Variants in PXDNL observed in about 807,000 individuals in gnomAD.
The protein encoded by PXDNL is peroxidasin like, also known as probable oxidoreductase PXDNL.
PXDNL carries 145 observed loss-of-function variants against 150.8 expected under a neutral mutation model. The observed-to-expected ratio is 0.96, with a 90% CI of 0.84 to 1.10. PXDNL has a LOEUF of 1.10. PXDNL is among the 50% of genes least tolerant of loss of function. The pLI is 0.00. For missense variants in PXDNL, 2,087 were observed against 1,873.9 expected, an observed-to-expected ratio of 1.11 and a Z score of -2.10; for synonymous variants, 757 against 725.7, an observed-to-expected ratio of 1.04 and a Z score of -0.69.
intron 1 of PXDNL, among the ~76,000 whole-genome samples, chr8:51,740,284 A>G (rs1255259420): frequency 6.6e-6 from 1 of 152,216 alleles, no homozygotes; most frequent in African/African-American, 2.4e-5. Context: ...TAGTGCTGCA[A>G]AGAAGATAAG....
intron 4 of PXDNL, among the ~76,000 whole-genome samples, chr8:51,537,211 C>T (rs1005323200): frequency 9.2e-5 from 14 of 152,178 alleles, no homozygotes; most frequent in Admixed American, 4.6e-4. Context: ...GCACCCTCCT[C>T]CTGAGATTCT....
At chr8:51,463,951 A>G (rs1162827404) in intron 8 of PXDNL, among the ~76,000 whole-genome samples, 1 of 152,090 alleles carries the variant, frequency 6.6e-6, no homozygotes, top group African/African-American at 2.4e-5. Flanking sequence ...CAATGTTAAG[A>G]GGAGAGTTTA....
rs193268807 is a variant in PXDNL, at chr8:51,769,581, C to A, written c.164+39600G>T. On this transcript the variant is annotated intron_variant, in intron 1 of 22. Coordinates refer to ENST00000356297, the MANE Select transcript of PXDNL (RefSeq NM_144651.5). The stretch of plus-strand genomic sequence containing the variant: ...CATTCTTCAATGATGCCCTTTTTTC[C>A]TGTGATACATGTTTTGACATGTAAT... Among the ~76,000 whole-genome samples, 444 of 152,190 alleles carry A rather than the reference C, an allele frequency of 2.9e-3. 1 individual carries two copies. Among genetic ancestry groups the A allele is most frequent in the African/African-American group, 0.01 (416 of 41,538 alleles).
intron 4 of PXDNL, among the ~76,000 whole-genome samples, chr8:51,530,534 C>T (rs1585553556): frequency 6.6e-6 from 1 of 152,198 alleles, no homozygotes. Context: ...GTAGAGCCAA[C>T]GTTGCTGCCA....
intron 3 of PXDNL, among the ~76,000 whole-genome samples, chr8:51,564,511 T>G (rs892772646): frequency 6.6e-6 from 1 of 151,254 alleles, no homozygotes; most frequent in African/African-American, 2.4e-5. Context: ...CCATGCTCAC[T>G]CTCCTCCCAA....
At position 51,556,915 on chromosome 8, in the gene PXDNL, G is replaced by C. The variant is rs1157982265; in HGVS notation, c.309-4C>G. ...GATTTCATTCTTATACAGGTACCTG[G>C]AAAATATATAGAATGTCATTAAATT... On this transcript the variant is annotated splice_polypyrimidine_tract_variant and splice_region_variant and intron_variant, in intron 3 of 22. Coordinates refer to ENST00000356297, the MANE Select transcript of PXDNL (RefSeq NM_144651.5). The C allele has an allele frequency of 6.7e-7, 1 of 1,482,812 alleles. No individual in the cohort carries two copies. The highest frequency in any genetic ancestry group is 1.1e-5 in the South Asian group (1 of 88,194). The allele number at this position is 1,482,812 out of a possible 1,614,324, so 91.9% of individuals were successfully genotyped here. A position where few individuals can be genotyped will look rare whatever the true frequency, so the allele number is the denominator to read the frequency against.
chr8:51,535,117 C>G (rs1435483578), intron 4 of PXDNL, among the ~76,000 whole-genome samples: 3 of 127,040 alleles, frequency 2.4e-5, no homozygotes, highest in Non-Finnish European at 4.8e-5. Context: ...CCCCGCCCGG[C>G]CAGCCGCCCC....
chr8:51,642,249 TA>T (rs113272900), intron 2 of PXDNL, among the ~76,000 whole-genome samples: 1 of 151,998 alleles, frequency 6.6e-6, no homozygotes, highest in African/African-American at 2.4e-5. Flanking sequence ...GAGATATACC[TA>T]ATGCTAAATG....
chr8:51,507,255 G>C (rs560864201), intron 4 of PXDNL, among the ~76,000 whole-genome samples: 1 of 152,186 alleles, frequency 6.6e-6, no homozygotes, highest in Admixed American at 6.5e-5. Context: ...TAAAGATAAA[G>C]AAAGGTTATA....
chr8:51,605,681 C>T (rs1453276366), intron 2 of PXDNL, among the ~76,000 whole-genome samples: 3 of 152,096 alleles, frequency 2.0e-5, no homozygotes, highest in Non-Finnish European at 2.9e-5. Context: ...TTGAATGTGT[C>T]CCCCAAAAGT....
At chr8:51,635,415 T>C (rs1205013443) in intron 2 of PXDNL, among the ~76,000 whole-genome samples, 1 of 151,714 alleles carries the variant, frequency 6.6e-6, no homozygotes, top group African/African-American at 2.4e-5. Flanking sequence ...AGAAAAACAA[T>C]AAATAGAGTC....
At chr8:51,591,353 A>C (rs1289109965) in intron 3 of PXDNL, among the ~76,000 whole-genome samples, 1 of 152,186 alleles carries the variant, frequency 6.6e-6, no homozygotes, top group African/African-American at 2.4e-5. Context: ...GAGGAAACTG[A>C]AACTTTAGGA....
At chr8:51,597,996 G>A (rs1813612631) in intron 2 of PXDNL, among the ~76,000 whole-genome samples, 1 of 152,136 alleles carries the variant, frequency 6.6e-6, no homozygotes, top group Admixed American at 6.6e-5. Context: ...TTACAGGCAT[G>A]AGCCACTGCG....
At chr8:51,351,933 A>T (rs1189696829) in intron 19 of PXDNL, among the ~76,000 whole-genome samples, 1 of 152,084 alleles carries the variant, frequency 6.6e-6, no homozygotes, top group Non-Finnish European at 1.5e-5. Context: ...ATCTAGTAAG[A>T]CAGAGTCTAA....
chr8:51,529,029 T>A (rs1167235086), intron 4 of PXDNL, among the ~76,000 whole-genome samples: 1 of 152,160 alleles, frequency 6.6e-6, no homozygotes, highest in Non-Finnish European at 1.5e-5. Flanking sequence ...TGGGAACGAA[T>A]ATAGTTACAA....
chr8:51,726,451 C>T (rs893331854), intron 1 of PXDNL, among the ~76,000 whole-genome samples: 8 of 152,232 alleles, frequency 5.3e-5, no homozygotes, highest in Non-Finnish European at 1.0e-4. Flanking sequence ...CCCTGTCTTA[C>T]GTCTCTTTGT....
intron 1 of PXDNL, among the ~76,000 whole-genome samples, chr8:51,700,576 CCATATACACA>C (rs140718731): frequency 0.76 from 114,801 of 151,390 alleles, 43,557 homozygotes; most frequent in East Asian, 0.82. Flanking sequence ...ACATATATAC[CCATATACACA>C]CATATACACA....
At chr8:51,376,223 A>AT (rs1807304972) in intron 17 of PXDNL, among the ~76,000 whole-genome samples, 1 of 152,250 alleles carries the variant, frequency 6.6e-6, no homozygotes, top group African/African-American at 2.4e-5. Context: ...CACAAGAAGC[A>AT]TATCAAAATT....
intron 1 of PXDNL, among the ~76,000 whole-genome samples, chr8:51,774,165 T>A (rs567357518): frequency 2.5e-4 from 38 of 152,324 alleles, no homozygotes; most frequent in Non-Finnish European, 4.6e-4. Flanking sequence ...AATTCTTTCA[T>A]TTTATAATAT....
Sources: allele counts gnomAD v4.1 joint callset (sites outside exome capture counted in the v4.1 genomes callset), GRCh38; gene constraint gnomAD v4.1.1; transcripts MANE v1.5; gene names NCBI Gene and HGNC (gene_info 2026-07-23, HGNC 2026-07-21).